Variants in GPM6B observed in about 807,000 individuals in gnomAD.
The protein encoded by GPM6B is glycoprotein M6B.
Under a neutral mutation model 27.2 loss-of-function variants are expected in GPM6B, and 4 were observed. The ratio of observed to expected loss-of-function variants is 0.15; its 90% CI spans 0.07 to 0.34. The LOEUF is 0.34. Among genes scored for constraint, GPM6B ranks in the 10% least tolerant of loss-of-function variants. The pLI, the probability that GPM6B is intolerant of heterozygous loss-of-function variation, is 1.00. For missense variants in GPM6B, 183 were observed against 261.9 expected, an observed-to-expected ratio of 0.70 and a Z score of 2.08; for synonymous variants, 124 against 103.1, an observed-to-expected ratio of 1.20 and a Z score of -1.23.
At chrX:13,819,709 G>T (rs143974167), upstream of GPM6B, among the ~76,000 whole-genome samples, 2 of 111,718 alleles carry the variant, frequency 1.8e-5, no homozygotes, top group East Asian at 5.6e-4. Flanking sequence ...CACAAGTGAC[G>T]ATGCCTGTCT....
chrX:13,849,297 T>G (rs982286068), intron 1 of GPM6B, among the ~76,000 whole-genome samples: 1 of 112,502 alleles, frequency 8.9e-6, no homozygotes, highest in Non-Finnish European at 1.9e-5. Flanking sequence ...GAAGATAGAA[T>G]CATCAGGGTT....
rs1236307509 is a variant in GPM6B at position 13,937,377 on chromosome X, C to G, written c.-198+950G>C. Among the ~76,000 whole-genome samples, 16 of 111,680 alleles carry G rather than the reference C, an allele frequency of 1.4e-4. No homozygotes were observed. The Admixed American group carries it at 1.5e-3, about 11-fold the overall frequency. On this transcript the variant is annotated intron_variant, in intron 1 of 6. Transcript: ENST00000398361. The stretch of plus-strand genomic sequence containing the variant: ...AATCCGTACAAAATTATCGCCCCCC[C>G]ACACACAATTAATAGCAAAGATAAT...
chrX:13,861,615 C>T (rs1316906926), intron 1 of GPM6B, among the ~76,000 whole-genome samples: 1 of 111,837 alleles, frequency 8.9e-6, no homozygotes, highest in Non-Finnish European at 1.9e-5. Context: ...ATTGAAAAAG[C>T]CGACGAATAC....
At chrX:13,782,757 C>CAAAAAAAAA (rs36124855) in intron 4 of GPM6B, among the ~76,000 whole-genome samples, 1 of 31,159 alleles carries the variant, frequency 3.2e-5, no homozygotes, top group East Asian at 1.2e-3. Flanking sequence ...TGCTCCGTCT[C>CAAAAAAAAA]AAAAAAAAAA....
At chrX:13,836,431 G>A (rs2049494830) in intron 1 of GPM6B, among the ~76,000 whole-genome samples, 1 of 112,136 alleles carries the variant, frequency 8.9e-6, no homozygotes, top group Non-Finnish European at 1.9e-5. Context: ...AAATGAATGA[G>A]CTCTAACCCT....
At chrX:13,786,933 A>G (rs1399885884) in intron 2 of GPM6B, among the ~76,000 whole-genome samples, 1 of 107,199 alleles carries the variant, frequency 9.3e-6, no homozygotes, top group Non-Finnish European at 1.9e-5. Flanking sequence ...TATATTATCC[A>G]GACCCTTAAG....
chrX:13,834,811 T>G (rs2049478106), intron 1 of GPM6B, among the ~76,000 whole-genome samples: 1 of 112,049 alleles, frequency 8.9e-6, no homozygotes, highest in African/African-American at 3.2e-5. Context: ...CAGTGGTACA[T>G]AAGAATAAAT....
chrX:13,842,289 A>G (rs1316858093), intron 1 of GPM6B, among the ~76,000 whole-genome samples: 2 of 112,371 alleles, frequency 1.8e-5, no homozygotes, highest in Admixed American at 1.9e-4. Context: ...TTTTCCTATC[A>G]TAAATAAAAA....
At chrX:13,890,884 G>A (rs1354669969) in intron 1 of GPM6B, among the ~76,000 whole-genome samples, 4 of 111,283 alleles carry the variant, frequency 3.6e-5, no homozygotes, top group East Asian at 2.8e-4. Flanking sequence ...GAACAAATCC[G>A]ATTCTTACAC....
At chrX:13,874,141 T>G (rs1373775701) in intron 1 of GPM6B, among the ~76,000 whole-genome samples, 1 of 111,953 alleles carries the variant, frequency 8.9e-6, no homozygotes, top group Non-Finnish European at 1.9e-5. Flanking sequence ...GTCAAAATCT[T>G]TAACAGTTTG....
chrX:13,874,946 C>A (rs750731495), intron 1 of GPM6B, among the ~76,000 whole-genome samples: 16 of 99,934 alleles, frequency 1.6e-4, no homozygotes, highest in African/African-American at 4.1e-4. Context: ...ATCCCCCCCC[C>A]ACCCCCGCTT....
chrX:13,846,992 G>A (rs1354996708), intron 1 of GPM6B, among the ~76,000 whole-genome samples: 1 of 109,859 alleles, frequency 9.1e-6, no homozygotes, highest in Non-Finnish European at 1.9e-5. Flanking sequence ...AATGGACTAA[G>A]ACAAGCAGAT....
chrX:13,886,719 T>TAAAAAAAAAAAAAAAAAAAAAAAAAAAAA (rs5901522), intron 1 of GPM6B, among the ~76,000 whole-genome samples: 2 of 35,095 alleles, frequency 5.7e-5, no homozygotes, highest in African/African-American at 3.9e-4. Flanking sequence ...AAGTCACTAC[T>TAAAAAAAAAAAAAAAAAAAAAAAAAAAAA]AAAAAAAAAA....
At chrX:13,890,431 T>A (rs2050178109) in intron 1 of GPM6B, among the ~76,000 whole-genome samples, 1 of 111,906 alleles carries the variant, frequency 8.9e-6, no homozygotes, top group African/African-American at 3.3e-5. Context: ...CACTTTACTC[T>A]ATGGACTCGC....
At chrX:13,786,597 C>G (rs895298283) in intron 2 of GPM6B, among the ~76,000 whole-genome samples, 1 of 110,263 alleles carries the variant, frequency 9.1e-6, no homozygotes, top group South Asian at 3.9e-4. Flanking sequence ...CCCCCTTCCC[C>G]GACACACACG....
rs141380048 is a variant in GPM6B, at chrX:13,782,203, T to G, written c.525+1162A>C. ...ATCAAGCAAGATGGTCAAGCTCCTC[T>G]CCAGTCTAAGGGGGCTTTCGACTTT... On this transcript the variant is annotated intron_variant, in intron 4 of 7. Transcript: ENST00000316715. Among the ~76,000 whole-genome samples the G allele has an allele frequency of 3.4e-4, 38 of 111,953 alleles. No homozygotes were observed. The East Asian group carries it at 0.01, about 31-fold the overall frequency.
chrX:13,891,849 G>A (rs1393241960), intron 1 of GPM6B, among the ~76,000 whole-genome samples: 1 of 111,987 alleles, frequency 8.9e-6, no homozygotes, highest in East Asian at 2.8e-4. Context: ...ATGCACTGCT[G>A]TACTCAGGGC....
intron 1 of GPM6B, among the ~76,000 whole-genome samples, chrX:13,931,356 T>A (rs6633435): frequency 9.2e-6 from 1 of 108,168 alleles, no homozygotes; most frequent in South Asian, 4.1e-4. Flanking sequence ...GGCATGGTGG[T>A]GGGCGCCTGT....
chrX:13,828,889 G>A (rs1401730157), intron 1 of GPM6B, among the ~76,000 whole-genome samples: 1 of 111,897 alleles, frequency 8.9e-6, no homozygotes, highest in African/African-American at 3.3e-5. Flanking sequence ...AAGACCAAAG[G>A]GAGCTGTACA....
Sources: allele counts gnomAD v4.1 joint callset (sites outside exome capture counted in the v4.1 genomes callset), GRCh38; gene constraint gnomAD v4.1.1; transcripts MANE v1.5; gene names NCBI Gene and HGNC (gene_info 2026-07-23, HGNC 2026-07-21).